NRXN1: variants seen among roughly 807,000 people sequenced by gnomAD.
NRXN1 encodes the protein neurexin-1.
A neutral mutation model predicts 150.9 loss-of-function variants in NRXN1; 39 were observed. The observed-to-expected ratio is 0.26, with a 90% CI of 0.20 to 0.34. NRXN1 has a LOEUF of 0.34. Ranked by LOEUF, NRXN1 falls within the 10% of genes least tolerant of loss-of-function variation. NRXN1 has a pLI of 1.00. For synonymous variants in NRXN1, 924 were observed against 757.0 expected (o/e 1.22, Z -3.62); for missense variants, 1,815 against 1,949.9 (o/e 0.93, Z 1.30).
chr2:50,655,327 C>T (rs1229817349), intron 5 of NRXN1, among the ~76,000 whole-genome samples: 3 of 151,850 alleles, frequency 2.0e-5, no homozygotes, highest in Non-Finnish European at 4.4e-5. Flanking sequence ...AACATTTTTG[C>T]CTGCCCTTCA....
intron 5 of NRXN1, among the ~76,000 whole-genome samples, chr2:50,727,632 C>T (rs931354080): frequency 6.6e-6 from 1 of 152,068 alleles, no homozygotes; most frequent in African/African-American, 2.4e-5. Flanking sequence ...ACAGGGTACA[C>T]ATATTGATTA....
chr2:50,928,335 C>T (rs1182648887), intron 2 of NRXN1, among the ~76,000 whole-genome samples: 1 of 151,910 alleles, frequency 6.6e-6, no homozygotes, highest in African/African-American at 2.4e-5. Context: ...TTTCCATATA[C>T]TTTCAGATTC....
At chr2:50,867,156 C>T (rs900745791) in intron 5 of NRXN1, among the ~76,000 whole-genome samples, 20 of 151,842 alleles carry the variant, frequency 1.3e-4, no homozygotes, top group Non-Finnish European at 2.8e-4. Context: ...TCACTTGATG[C>T]ATAAAACCCC....
At chr2:50,515,600 G>GGGGGGTGTGTGTGTGTGT (rs952552460) in intron 12 of NRXN1, among the ~76,000 whole-genome samples, 1 of 143,426 alleles carries the variant, frequency 7.0e-6, no homozygotes, top group African/African-American at 2.6e-5. Context: ...AAATGCTTGG[G>GGGGGGTGTGTGTGTGTGT]GTGTGTGTGT....
intron 2 of NRXN1, among the ~76,000 whole-genome samples, chr2:51,009,022 T>C (rs1394219871): frequency 6.6e-6 from 1 of 151,882 alleles, no homozygotes; most frequent in Non-Finnish European, 1.5e-5. Context: ...AACCCAGCAA[T>C]GTACTATTCT....
intron 12 of NRXN1, among the ~76,000 whole-genome samples, chr2:50,511,134 C>A (rs1452714174): frequency 1.3e-5 from 2 of 151,968 alleles, no homozygotes; most frequent in East Asian, 3.9e-4. Flanking sequence ...AATCTCGGCT[C>A]ACTGCAACCT....
intron 5 of NRXN1, among the ~76,000 whole-genome samples, chr2:50,679,459 G>A (rs1244766661): frequency 6.6e-6 from 1 of 151,478 alleles, no homozygotes; most frequent in Non-Finnish European, 1.5e-5. Context: ...AGCTCTCCCA[G>A]AATCAAGATT....
chr2:50,044,843 T>C (rs1260088570), intron 21 of NRXN1, among the ~76,000 whole-genome samples: 1 of 152,208 alleles, frequency 6.6e-6, no homozygotes, highest in East Asian at 1.9e-4. Flanking sequence ...AAATTTGTAA[T>C]TCTAAATGAA....
At chr2:50,001,066 C>T (rs543684199) in intron 21 of NRXN1, among the ~76,000 whole-genome samples, 13 of 152,130 alleles carry the variant, frequency 8.5e-5, no homozygotes, top group Non-Finnish European at 1.9e-4. Context: ...TAGGTACTAG[C>T]TTGGCAGTGC....
chr2:50,856,038 T>TTTC (rs1252423194), intron 5 of NRXN1, among the ~76,000 whole-genome samples: 2 of 151,882 alleles, frequency 1.3e-5, no homozygotes, highest in African/African-American at 2.4e-5. Flanking sequence ...TTTTTTTTTT[T>TTTC]TTCCACCATG....
intron 8 of NRXN1, among the ~76,000 whole-genome samples, chr2:50,568,597 A>G (rs1300260381): frequency 6.6e-6 from 1 of 152,118 alleles, no homozygotes; most frequent in African/African-American, 2.4e-5. Flanking sequence ...TGAGATATCA[A>G]CTCATTCCAG....
intron 13 of NRXN1, among the ~76,000 whole-genome samples, chr2:50,501,194 G>A (rs1305629580): frequency 3.3e-5 from 5 of 152,170 alleles, no homozygotes; most frequent in African/African-American, 1.2e-4. Context: ...ATTCCAGGAA[G>A]GGGAGACGGA....
chr2:50,250,435 A>ATT (rs61220479), intron 17 of NRXN1, among the ~76,000 whole-genome samples: 1 of 149,718 alleles, frequency 6.7e-6, no homozygotes, highest in African/African-American at 2.4e-5. Context: ...ACTTTTTAAT[A>ATT]TTTTTTTTTT....
At position 50,528,054 on chromosome 2, in the gene NRXN1, G is replaced by C. The variant is rs74815590; in HGVS notation, c.2374+571C>G. ...TCCATGCATCTTTTCAGACTCATCA[G>C]TTTGCATGCATGTCACAGATTTGAA... On this transcript the variant is annotated intron_variant, in intron 12 of 22. Transcript: ENST00000401669. Among the ~76,000 whole-genome samples, 927 of 152,208 alleles carry C rather than the reference G, an allele frequency of 6.1e-3. 12 individuals carry two copies. The highest frequency in any genetic ancestry group is 0.022 in the African/African-American group (894 of 41,552).
intron 21 of NRXN1, among the ~76,000 whole-genome samples, chr2:49,974,691 T>G (rs933573027): frequency 5.9e-5 from 9 of 151,984 alleles, no homozygotes; most frequent in African/African-American, 2.2e-4. Flanking sequence ...AAGTTTATAA[T>G]GAGTATTTTT....
intron 17 of NRXN1, among the ~76,000 whole-genome samples, chr2:50,393,762 C>A (rs78987893): frequency 0.015 from 2,223 of 152,128 alleles, 54 homozygotes; most frequent in African/African-American, 0.048. Flanking sequence ...GAGAATCTGG[C>A]AAAATTACTG....
chr2:50,255,319 A>C (rs1319362509), intron 17 of NRXN1, among the ~76,000 whole-genome samples: 1 of 152,204 alleles, frequency 6.6e-6, no homozygotes, highest in Non-Finnish European at 1.5e-5. Flanking sequence ...GAGGTTCTCT[A>C]TGGAGAATTT....
At chr2:50,715,651 C>T (rs577623543) in intron 5 of NRXN1, among the ~76,000 whole-genome samples, 104 of 152,242 alleles carry the variant, frequency 6.8e-4, no homozygotes, top group Non-Finnish European at 1.2e-3. Flanking sequence ...GTGAAGTCAT[C>T]GTCCCCCATC....
At chr2:50,079,260 C>A (rs550237858) in intron 19 of NRXN1, among the ~76,000 whole-genome samples, 2 of 152,046 alleles carry the variant, frequency 1.3e-5, no homozygotes, top group South Asian at 4.2e-4. Context: ...CTTTGTCATG[C>A]TTCTCTCTCA....
Sources: allele counts gnomAD v4.1 joint callset (sites outside exome capture counted in the v4.1 genomes callset), GRCh38; gene constraint gnomAD v4.1.1; transcripts MANE v1.5; gene names NCBI Gene and HGNC (gene_info 2026-07-23, HGNC 2026-07-21).